ROR2: variants seen among roughly 807,000 people sequenced by gnomAD.
ROR2 encodes tyrosine-protein kinase transmembrane receptor ROR2.
Under a neutral mutation model 74.9 loss-of-function variants are expected in ROR2, and 33 were observed. The observed-to-expected ratio is 0.44, with a 90% CI of 0.33 to 0.59. The LOEUF is 0.59. ROR2 is among the 20% of genes least tolerant of loss of function. The pLI is 0.02. For synonymous variants in ROR2, 586 were observed against 558.7 expected (o/e 1.05, Z -0.69); for missense variants, 1,216 against 1,313.8 (o/e 0.93, Z 1.15).
chr9:91,909,476 A>T (rs1830898332), intron 1 of ROR2, among the ~76,000 whole-genome samples: 1 of 151,020 alleles, frequency 6.6e-6, no homozygotes, highest in African/African-American at 2.4e-5. Flanking sequence ...CCTCCCGAGT[A>T]GCTGGCACCA....
chr9:91,854,845 T>C (rs908977165), intron 1 of ROR2, among the ~76,000 whole-genome samples: 3 of 152,188 alleles, frequency 2.0e-5, no homozygotes, highest in African/African-American at 7.2e-5. Flanking sequence ...TTAAATAGCA[T>C]TGCCACCGGC....
At chr9:91,785,221 TC>T (rs1826757117) in intron 1 of ROR2, among the ~76,000 whole-genome samples, 1 of 152,202 alleles carries the variant, frequency 6.6e-6, no homozygotes, top group African/African-American at 2.4e-5. Flanking sequence ...GGAAAATGCT[TC>T]CCCATATGTG....
rs186106270 is a variant in ROR2, at chr9:91,936,230, G to C, written c.97+13637C>G. 1.3e-3 allele frequency among the ~76,000 whole-genome samples: 203 copies of C among 152,344 alleles called. 1 individual carries two copies. Among genetic ancestry groups the C allele is most frequent in the African/African-American group, 4.7e-3 (194 of 41,568 alleles). On this transcript the variant is annotated intron_variant, in intron 1 of 8. Transcript: ENST00000375708. Reference sequence around the variant, plus strand: ...CACTTATGGGTGGATGCGTGTGTTAGCCTCCTAGGGCTGCCGTAACTAAGC... The same window carrying C: ...CACTTATGGGTGGATGCGTGTGTTACCCTCCTAGGGCTGCCGTAACTAAGC...
intron 8 of ROR2, 105 bp from the exon 9 acceptor site, chr9:91,725,212 G>T (rs1305295936): frequency 2.1e-5 from 33 of 1,590,100 alleles, no homozygotes; most frequent in Non-Finnish European, 2.7e-5. Flanking sequence ...CCACGACTAG[G>T]GGGGCCTTGC....
intron 1 of ROR2, among the ~76,000 whole-genome samples, chr9:91,802,963 A>C (rs1827439667): frequency 6.6e-6 from 1 of 152,200 alleles, no homozygotes; most frequent in South Asian, 2.1e-4. Flanking sequence ...TTAGCCGTTA[A>C]GGAAACGCAA....
At chr9:91,840,500 C>A (rs1828750771) in intron 1 of ROR2, among the ~76,000 whole-genome samples, 1 of 152,228 alleles carries the variant, frequency 6.6e-6, no homozygotes, top group East Asian at 1.9e-4. Context: ...CTGACGTTTT[C>A]TTTCCAGTTT....
chr9:91,733,770 G>T lies in ROR2; in HGVS notation c.623-334C>A, dbSNP rs1443736640. Among the ~76,000 whole-genome samples the T allele has an allele frequency of 6.6e-6, 1 of 152,166 alleles. No homozygotes were observed. The highest frequency in any genetic ancestry group is 2.4e-5 in the African/African-American group (1 of 41,440). ...CTAGGTGCTTCTTCCAGGACAAGAG[G>T]GTTCAGACTTCAGATGCAAAAGCAG... On this transcript the variant is annotated intron_variant, in intron 5 of 8. Coordinates refer to ENST00000375708, the MANE Select transcript of ROR2 (RefSeq NM_004560.4). This position sits in a 1 kb window ranked among gnomAD's most constrained non-coding sequence, Gnocchi z 5.7.
chr9:91,918,655 C>T (rs979674713), intron 1 of ROR2, among the ~76,000 whole-genome samples: 6 of 152,126 alleles, frequency 3.9e-5, no homozygotes, highest in Non-Finnish European at 7.3e-5. Context: ...GATGGTTATA[C>T]GATTCTGTGA....
chr9:91,879,440 G>GT (rs1377863908), intron 1 of ROR2, among the ~76,000 whole-genome samples: 178 of 148,196 alleles, frequency 1.2e-3, no homozygotes, highest in African/African-American at 3.3e-3. Flanking sequence ...GGGTGTGGGG[G>GT]GGTGTGTGTG....
At chr9:91,734,807 AGCAGCCACGCT>A (rs1185771429) in intron 5 of ROR2, among the ~76,000 whole-genome samples, 2 of 152,216 alleles carry the variant, frequency 1.3e-5, no homozygotes, top group African/African-American at 4.8e-5. Flanking sequence ...AGTGGGCGGG[AGCAGCCACGCT>A]GTCCTGATTG....
Position 91,905,722 on chromosome 9 carries a change from G to C in ROR2, c.97+44145C>G, listed in dbSNP as rs759479828. On this transcript the variant is annotated intron_variant, in intron 1 of 8. Coordinates refer to ENST00000375708, the MANE Select transcript of ROR2 (RefSeq NM_004560.4). This position sits in a 1 kb window ranked among gnomAD's most constrained non-coding sequence, Gnocchi z 5.3. ...AGACCACAAACCCCACTACATGGTA[G>C]ATAAATGGGGGTGGGGGGAGGGGCC... 1.7e-4 allele frequency among the ~76,000 whole-genome samples: 23 copies of C among 137,416 alleles called. No homozygotes were observed. Among genetic ancestry groups the C allele is most frequent in the Non-Finnish European group, 3.3e-4 (21 of 63,358 alleles). The allele number at this position is 137,416 out of a possible 152,430, so 90.2% of individuals were successfully genotyped here. A position where few individuals can be genotyped will look rare whatever the true frequency, so the allele number is the denominator to read the frequency against.
chr9:91,741,213 T>C (rs1327114913), intron 4 of ROR2, among the ~76,000 whole-genome samples: 6 of 151,636 alleles, frequency 4.0e-5, no homozygotes, highest in Non-Finnish European at 8.8e-5. Context: ...GGCAGGGGAA[T>C]CGCTTGAACC....
chr9:91,869,929 C>G (rs1269444839), intron 1 of ROR2, among the ~76,000 whole-genome samples: 1 of 152,140 alleles, frequency 6.6e-6, no homozygotes, highest in Non-Finnish European at 1.5e-5. Flanking sequence ...TCTATTCCTG[C>G]AAGATATTGG....
At chr9:91,725,214 G>T (rs1019430685) in intron 8 of ROR2, 107 bp from the exon 9 acceptor site, 2 of 1,585,278 alleles carry the variant, frequency 1.3e-6, no homozygotes, top group Non-Finnish European at 8.6e-7. Context: ...ACGACTAGGG[G>T]GGCCTTGCAG....
At chr9:91,730,409 A>G (rs1837196519) in intron 7 of ROR2, among the ~76,000 whole-genome samples, 2 of 152,142 alleles carry the variant, frequency 1.3e-5, no homozygotes, top group African/African-American at 4.8e-5. Flanking sequence ...TATATTTTAA[A>G]ATGTCTTGTA....
chr9:91,863,638 AAAG>A (rs1259239613), intron 1 of ROR2, among the ~76,000 whole-genome samples: 1 of 152,246 alleles, frequency 6.6e-6, no homozygotes, highest in Non-Finnish European at 1.5e-5. Flanking sequence ...ATGCTCAGTG[AAAG>A]AAGCTAGAGA....
chr9:91,756,143 G>T (rs1825743170), intron 3 of ROR2, 42 bp from the exon 4 acceptor site: 1 of 1,598,240 alleles, frequency 6.3e-7, no homozygotes, highest in African/African-American at 1.3e-5. Context: ...AATACTCCAT[G>T]ATTTGGAATA....
At chr9:91,793,424 C>T (rs1252266422) in intron 1 of ROR2, among the ~76,000 whole-genome samples, 1 of 151,360 alleles carries the variant, frequency 6.6e-6, no homozygotes, top group Non-Finnish European at 1.5e-5. Flanking sequence ...AAAGTAAATT[C>T]CAAATGATCA....
intron 7 of ROR2, among the ~76,000 whole-genome samples, chr9:91,729,953 G>C (rs569970700): frequency 6.3e-4 from 96 of 152,276 alleles, no homozygotes; most frequent in African/African-American, 2.1e-3. Flanking sequence ...AGCAATAATG[G>C]TGTTTTTTGT....
Sources: allele counts gnomAD v4.1 joint callset (sites outside exome capture counted in the v4.1 genomes callset), GRCh38; gene constraint gnomAD v4.1.1; non-coding constraint Gnocchi (gnomAD v3.1); transcripts MANE v1.5; gene names NCBI Gene and HGNC (gene_info 2026-07-23, HGNC 2026-07-21).